The following SLC4A7 variants were observed in gnomAD, a reference collection of about 807,000 sequenced individuals.
SLC4A7 encodes sodium bicarbonate cotransporter 3.
In SLC4A7, 51 loss-of-function variants were observed where a neutral mutation model predicts 137.6. The ratio of observed to expected loss-of-function variants is 0.37; its 90% confidence interval spans 0.30 to 0.47. SLC4A7 has a LOEUF of 0.47. SLC4A7 is among the 20% of genes least tolerant of loss of function. The probability of loss-of-function intolerance (pLI) is 1.00; values close to 1 mark genes in which losing one functional copy is unlikely to be tolerated. For synonymous variants in SLC4A7, 542 were observed against 518.6 expected (o/e 1.05, Z -0.61); for missense variants, 1,247 against 1,525.4 (o/e 0.82, Z 3.04).
At chr3:27,386,094 T>A in intron 22 of SLC4A7, 71 bp from the exon 23 acceptor site, 1 of 1,223,134 alleles carries the variant, frequency 8.2e-7, no homozygotes, top group Non-Finnish European at 1.1e-6. Context: ...AGGAAAAGCA[T>A]ATTTATTAAA....
At chr3:27,468,774 T>C (rs2059115478) in intron 1 of SLC4A7, among the ~76,000 whole-genome samples, 1 of 152,102 alleles carries the variant, frequency 6.6e-6, no homozygotes, top group African/African-American at 2.4e-5. Context: ...ATGCAATGAA[T>C]ACAGTTTAGA....
intron 24 of SLC4A7, among the ~76,000 whole-genome samples, chr3:27,380,808 C>A (rs1336173604): frequency 4.6e-5 from 7 of 152,170 alleles, no homozygotes; most frequent in Non-Finnish European, 8.8e-5. Context: ...GCATAGCCAT[C>A]CAACTTGAAA....
chr3:27,480,056 AAAT>A (rs1364295704), intron 1 of SLC4A7, among the ~76,000 whole-genome samples: 210 of 152,324 alleles, frequency 1.4e-3, no homozygotes, highest in African/African-American at 5.0e-3. Flanking sequence ...CATCCCACTA[AAAT>A]AATACACCAG....
rs2049728750 is a variant in SLC4A7 at position 27,373,904 on chromosome 3, T to C, written c.*2860A>G. 1 of 152,572 alleles carries C rather than the reference T, an allele frequency of 6.6e-6. No individual in the cohort carries two copies. The highest frequency in any genetic ancestry group is 1.5e-5 in the Non-Finnish European group (1 of 67,958). 9.5% of individuals were successfully genotyped at this position (152,572 alleles called of 1,614,324 possible). A position where few individuals can be genotyped will look rare whatever the true frequency, so the allele number is the denominator to read the frequency against. ...GACTTGGCAAATATGAACAATGGGA[T>C]GCCACAGCTTTTTAAAACAACTTTT... On this transcript the variant is annotated 3_prime_UTR_variant, in exon 26 of 26. Coordinates refer to ENST00000454389, the MANE Select transcript of SLC4A7 (RefSeq NM_001321103.2).
At position 27,419,278 on chromosome 3, in the gene SLC4A7, G is replaced by A. The variant is rs573580808; in HGVS notation, c.1513-646C>T. 3.9e-5 allele frequency among the ~76,000 whole-genome samples: 6 copies of A among 152,062 alleles called. No homozygotes were observed. The South Asian group carries it at 1.2e-3, about 31-fold the overall frequency. On this transcript the variant is annotated intron_variant, in intron 10 of 25. Coordinates refer to ENST00000454389, the MANE Select transcript of SLC4A7 (RefSeq NM_001321103.2). ...AGGAGCCAGGAAAATTCTCTTAAAG[G>A]AGGTAACTGACCAGGCACGGTGGCT...
intron 3 of SLC4A7, among the ~76,000 whole-genome samples, chr3:27,446,889 T>C (rs1415647690): frequency 4.6e-5 from 3 of 65,458 alleles, no homozygotes; most frequent in Non-Finnish European, 1.1e-4. Context: ...TTTTTTGTTT[T>C]TTTTGTTTTT....
chr3:27,476,741 G>C (rs1309918848), intron 1 of SLC4A7, among the ~76,000 whole-genome samples: 2 of 152,040 alleles, frequency 1.3e-5, no homozygotes, highest in Non-Finnish European at 2.9e-5. Flanking sequence ...CACCATATTT[G>C]TTTCCTGAGT....
chr3:27,431,222 AT>A, intron 7 of SLC4A7, 75 bp downstream of exon 7: 1 of 1,428,068 alleles, frequency 7.0e-7, no homozygotes, highest in South Asian at 1.5e-5. Context: ...TGCTTAAGCT[AT>A]GTGCTAAAAG....
intron 1 of SLC4A7, among the ~76,000 whole-genome samples, chr3:27,457,468 C>G (rs1261773436): frequency 6.6e-6 from 1 of 152,122 alleles, no homozygotes; most frequent in East Asian, 1.9e-4. Flanking sequence ...TCCATATTCA[C>G]ACAGATATTC....
chr3:27,374,173 C>T lies in SLC4A7; in HGVS notation c.*2591G>A, dbSNP rs1403524068. 1 of 152,444 alleles carries T rather than the reference C, an allele frequency of 6.6e-6. No individual in the cohort carries two copies. Among genetic ancestry groups the T allele is most frequent in the Non-Finnish European group, 1.5e-5 (1 of 67,910 alleles). 9.4% of individuals were successfully genotyped at this position (152,444 alleles called of 1,614,324 possible). A position where few individuals can be genotyped will look rare whatever the true frequency, so the allele number is the denominator to read the frequency against. On this transcript the variant is annotated 3_prime_UTR_variant, in exon 26 of 26. Transcript: ENST00000454389. ...TACTACAGACTTTGTAAACAGATATCTATAAATAAATAAACTAGGGTGGAG... is the reference window on the plus strand; with the variant it reads ...TACTACAGACTTTGTAAACAGATATTTATAAATAAATAAACTAGGGTGGAG...
chr3:27,431,291 T>C lies in SLC4A7; in HGVS notation c.1150+7A>G. On this transcript the variant is annotated splice_region_variant and intron_variant, in intron 7 of 25. Transcript: ENST00000454389. ...AGCACCACACATGGAGGATTTTGGA[T>C]AGTTGCCTGGAGTTAAGTCAACATT... 6.4e-7 allele frequency: 1 copy of C among 1,562,644 alleles called. No homozygotes were observed. Among genetic ancestry groups the C allele is most frequent in the Non-Finnish European group, 8.7e-7 (1 of 1,153,546 alleles).
intron 1 of SLC4A7, among the ~76,000 whole-genome samples, chr3:27,483,691 G>A (rs941319701): frequency 7.9e-5 from 12 of 152,210 alleles, no homozygotes; most frequent in Admixed American, 3.9e-4. Flanking sequence ...CAAGGCAACC[G>A]GAACCGGGAC....
At chr3:27,407,673 A>T (rs993308658) in intron 13 of SLC4A7, among the ~76,000 whole-genome samples, 1 of 151,892 alleles carries the variant, frequency 6.6e-6, no homozygotes, top group African/African-American at 2.4e-5. Flanking sequence ...CAAAACCTCT[A>T]GTTTGGTTTT....
chr3:27,449,223 G>A (rs1009507228), intron 2 of SLC4A7, among the ~76,000 whole-genome samples: 4 of 151,754 alleles, frequency 2.6e-5, no homozygotes, highest in Non-Finnish European at 5.9e-5. Flanking sequence ...TAAGAAAGAA[G>A]AGCTTAGCCC....
chr3:27,459,988 T>TAC (rs1553715628), intron 1 of SLC4A7, among the ~76,000 whole-genome samples: 50 of 102,840 alleles, frequency 4.9e-4, no homozygotes, highest in Middle Eastern at 4.9e-3. Flanking sequence ...TATATATATA[T>TAC]ATACACACAC....
Position 27,446,791 on chromosome 3 carries a change from T to C in SLC4A7, c.289+1860A>G, listed in dbSNP as rs149702390. On this transcript the variant is annotated intron_variant, in intron 3 of 25. Coordinates refer to ENST00000454389, the MANE Select transcript of SLC4A7 (RefSeq NM_001321103.2). ...CCCTTTCCAAATTCAGTGTTTGTTT[T>C]TCCTTTGCTAGCTACATGACCACTT... Among the ~76,000 whole-genome samples the C allele has an allele frequency of 3.7e-3, 563 of 152,168 alleles. 1 individual carries two copies. The highest frequency in any genetic ancestry group is 0.013 in the African/African-American group (527 of 41,530).
At chr3:27,435,782 AG>A (rs2056689485) in intron 5 of SLC4A7, among the ~76,000 whole-genome samples, 1 of 152,194 alleles carries the variant, frequency 6.6e-6, no homozygotes, top group Non-Finnish European at 1.5e-5. Context: ...CGGAGACTGC[AG>A]TAAGCCAAGA....
chr3:27,405,915 T>C (rs952073348), intron 13 of SLC4A7, among the ~76,000 whole-genome samples: 4 of 152,160 alleles, frequency 2.6e-5, no homozygotes, highest in African/African-American at 9.7e-5. Flanking sequence ...TTCTAACTAA[T>C]TAGGCTATCA....
intron 3 of SLC4A7, among the ~76,000 whole-genome samples, chr3:27,442,679 G>C (rs1261799389): frequency 6.6e-6 from 1 of 152,144 alleles, no homozygotes; most frequent in Non-Finnish European, 1.5e-5. Context: ...CCAAAGTGCT[G>C]GTGTTGTAGA....
Sources: allele counts gnomAD v4.1 joint callset (sites outside exome capture counted in the v4.1 genomes callset), GRCh38; gene constraint gnomAD v4.1.1; transcripts MANE v1.5; gene names NCBI Gene and HGNC (gene_info 2026-07-23, HGNC 2026-07-21).